Variants in NELL1 observed in about 807,000 individuals in gnomAD.
NELL1 encodes protein kinase C-binding protein NELL1.
NELL1 carries 76 observed loss-of-function variants against 107.4 expected under a neutral mutation model. The observed-to-expected ratio is 0.71, with a 90% CI of 0.59 to 0.86. The LOEUF is 0.86. Among genes scored for constraint, NELL1 ranks in the 40% least tolerant of loss-of-function variants. The pLI, the probability that NELL1 is intolerant of heterozygous loss-of-function variation, is 0.00. For synonymous variants in NELL1, 353 were observed against 341.2 expected (o/e 1.03, Z -0.38); for missense variants, 1,024 against 1,005.5 (o/e 1.02, Z -0.25).
chr11:21,231,388 G>A lies in NELL1; in HGVS notation c.1549+1934G>A, dbSNP rs117714609. Among the ~76,000 whole-genome samples the A allele has an allele frequency of 8.0e-3, 1,210 of 152,126 alleles. 7 individuals carry two copies. Among genetic ancestry groups the A allele is most frequent in the Middle Eastern group, 0.017 (5 of 294 alleles). On this transcript the variant is annotated intron_variant, in intron 14 of 19. Transcript: ENST00000357134. ...GTCTTTTATATGTGAATATTTGTGC[G>A]TATTTTTTCTAAAGTACCCTGAAGC...
At position 21,277,447 on chromosome 11, in the gene NELL1, G is replaced by T. The variant is rs537334898; in HGVS notation, c.1549+47993G>T. On this transcript the variant is annotated intron_variant, in intron 14 of 19. Coordinates refer to ENST00000357134, the MANE Select transcript of NELL1 (RefSeq NM_006157.5). ...GAAATAGGAACACTTTTACCCTGTTGGTGGGACTGTAAACTAGTTCAACCA... is the reference window on the plus strand; with the variant it reads ...GAAATAGGAACACTTTTACCCTGTTTGTGGGACTGTAAACTAGTTCAACCA... Among the ~76,000 whole-genome samples, 242 of 151,236 alleles carry T rather than the reference G, an allele frequency of 1.6e-3. 1 individual carries two copies. The highest frequency in any genetic ancestry group is 5.6e-3 in the African/African-American group (232 of 41,268).
chr11:21,112,331 T>C (rs1855126820), intron 12 of NELL1, among the ~76,000 whole-genome samples: 1 of 152,082 alleles, frequency 6.6e-6, no homozygotes, highest in Non-Finnish European at 1.5e-5. Context: ...ACTTTTCTTT[T>C]AAGATAAATA....
intron 15 of NELL1, among the ~76,000 whole-genome samples, chr11:21,389,239 C>T (rs577282792): frequency 6.6e-6 from 1 of 151,748 alleles, no homozygotes; most frequent in African/African-American, 2.4e-5. Context: ...TGTTAATAAT[C>T]ACACAGCTGT....
intron 15 of NELL1, among the ~76,000 whole-genome samples, chr11:21,387,141 A>G (rs1442304315): frequency 6.6e-6 from 1 of 151,732 alleles, no homozygotes; most frequent in Non-Finnish European, 1.5e-5. Flanking sequence ...TTTTTCCTCC[A>G]TATATATCCA....
intron 14 of NELL1, among the ~76,000 whole-genome samples, chr11:21,346,572 T>C (rs1565180143): frequency 1.4e-5 from 2 of 147,392 alleles, no homozygotes. Flanking sequence ...GATATAATAA[T>C]ATATATGATA....
intron 14 of NELL1, among the ~76,000 whole-genome samples, chr11:21,366,518 C>T (rs1851225537): frequency 6.6e-6 from 1 of 152,066 alleles, no homozygotes; most frequent in African/African-American, 2.4e-5. Flanking sequence ...TACTAACATG[C>T]TACCCAAAAT....
At chr11:20,761,144 A>G (rs958490043) in intron 2 of NELL1, among the ~76,000 whole-genome samples, 2 of 152,236 alleles carry the variant, frequency 1.3e-5, no homozygotes, top group African/African-American at 4.8e-5. Context: ...TTTATTTTGC[A>G]TCTGCACATA....
At chr11:21,314,455 T>G (rs1849828356) in intron 14 of NELL1, among the ~76,000 whole-genome samples, 1 of 152,106 alleles carries the variant, frequency 6.6e-6, no homozygotes, top group African/African-American at 2.4e-5. Flanking sequence ...GAGAGTATAA[T>G]GAGATAGTAG....
rs570714215 is a variant in NELL1, at chr11:21,545,874, C to A, written c.1786+11360C>A. ...ACTTGTTAGAAATGCAAATTCTGTA[C>A]CACACTCTCTAGACCTTCTGAATCA... On this transcript the variant is annotated intron_variant, in intron 16 of 19. Coordinates refer to ENST00000357134, the MANE Select transcript of NELL1 (RefSeq NM_006157.5). 1.4e-4 allele frequency among the ~76,000 whole-genome samples: 21 copies of A among 152,066 alleles called. No homozygotes were observed. In the East Asian group the frequency reaches 3.7e-3, roughly 27 times the overall value.
At chr11:20,954,350 C>T (rs1431894621) in intron 11 of NELL1, among the ~76,000 whole-genome samples, 1 of 152,174 alleles carries the variant, frequency 6.6e-6, no homozygotes, top group Non-Finnish European at 1.5e-5. Flanking sequence ...CATTCCATTT[C>T]TCCCACTAGG....
chr11:21,508,942 C>A (rs879888096), intron 15 of NELL1, among the ~76,000 whole-genome samples: 3 of 151,956 alleles, frequency 2.0e-5, no homozygotes, highest in Non-Finnish European at 2.9e-5. Context: ...CAGAAATTAC[C>A]TTATGTCCCT....
At chr11:21,185,166 G>A (rs895046227) in intron 13 of NELL1, among the ~76,000 whole-genome samples, 1 of 151,392 alleles carries the variant, frequency 6.6e-6, no homozygotes, top group Non-Finnish European at 1.5e-5. Flanking sequence ...CAAACATATT[G>A]TAAAAGAATG....
chr11:21,102,516 T>G (rs895009955), intron 12 of NELL1, among the ~76,000 whole-genome samples: 1 of 152,200 alleles, frequency 6.6e-6, no homozygotes, highest in Non-Finnish European at 1.5e-5. Flanking sequence ...CTCAATTTCT[T>G]TATCTGTAGA....
chr11:20,704,940 G>A (rs1854902400), intron 2 of NELL1, among the ~76,000 whole-genome samples: 1 of 152,082 alleles, frequency 6.6e-6, no homozygotes, highest in Non-Finnish European at 1.5e-5. Context: ...AAATACCTAG[G>A]AATCCAATTT....
chr11:20,857,280 A>C (rs1848900310), intron 4 of NELL1, among the ~76,000 whole-genome samples: 1 of 152,058 alleles, frequency 6.6e-6, no homozygotes, highest in African/African-American at 2.4e-5. Flanking sequence ...AGAGTCGCTG[A>C]ATAAAACCGT....
At chr11:20,741,644 A>T (rs192776137) in intron 2 of NELL1, among the ~76,000 whole-genome samples, 1 of 152,260 alleles carries the variant, frequency 6.6e-6, no homozygotes, top group Admixed American at 6.5e-5. Context: ...TTAAAGAGGG[A>T]TTGCTAGTGG....
chr11:21,200,879 T>G (rs1435970080), intron 13 of NELL1, among the ~76,000 whole-genome samples: 1 of 152,214 alleles, frequency 6.6e-6, no homozygotes. Flanking sequence ...CAACACCATT[T>G]ATTAAATAGA....
intron 3 of NELL1, 115 bp from the exon 4 acceptor site, chr11:20,847,468 C>T (rs2134057135): frequency 2.8e-6 from 3 of 1,083,028 alleles, no homozygotes; most frequent in Non-Finnish European, 3.9e-6. Flanking sequence ...GCTCTTTGTG[C>T]CATGTTTAGC....
At chr11:21,483,090 C>G (rs1021569451) in intron 15 of NELL1, among the ~76,000 whole-genome samples, 8 of 151,992 alleles carry the variant, frequency 5.3e-5, no homozygotes, top group African/African-American at 1.9e-4. Flanking sequence ...TATAAGAGTG[C>G]CTGGCACTGC....
Sources: allele counts gnomAD v4.1 joint callset (sites outside exome capture counted in the v4.1 genomes callset), GRCh38; gene constraint gnomAD v4.1.1; transcripts MANE v1.5; gene names NCBI Gene and HGNC (gene_info 2026-07-23, HGNC 2026-07-21).